ZNF639: variants seen among roughly 807,000 people sequenced by gnomAD.
ZNF639 encodes the protein zinc finger amplified in esophageal squamous cell carcinomas 1.
A neutral mutation model predicts 39.8 loss-of-function variants in ZNF639; 20 were observed. The observed-to-expected ratio is 0.50, with a 90% confidence interval of 0.35 to 0.73. The LOEUF (loss-of-function observed/expected upper bound fraction) is 0.73, where lower values mean the gene tolerates loss of function less well. Among genes scored for constraint, ZNF639 ranks in the 30% least tolerant of loss-of-function variants. The pLI is 0.00. For missense variants in ZNF639, 477 were observed against 566.2 expected (o/e 0.84, Z 1.60); for synonymous variants, 176 against 189.8 (o/e 0.93, Z 0.60).
rs1052932091 is a variant in ZNF639, at chr3:179,336,748, C to T, written c.*2326C>T. ...TTACTGTCTAGTGATGTTTCCATTA[C>T]ATCATGTTACATAAACCTAACCTTT... On this transcript the variant is annotated 3_prime_UTR_variant, in exon 6 of 6. Transcript: ENST00000496856. 1 of 152,216 alleles carries T rather than the reference C, an allele frequency of 6.6e-6. No homozygotes were observed. The highest frequency in any genetic ancestry group is 2.4e-5 in the African/African-American group (1 of 41,446). 9.4% of individuals were successfully genotyped at this position (152,216 alleles called of 1,614,324 possible).
Position 179,334,532 on chromosome 3 carries a change from A to T in ZNF639, c.*110A>T, listed in dbSNP as rs1033180854. On this transcript the variant is annotated 3_prime_UTR_variant, in exon 6 of 6. Coordinates refer to ENST00000496856, the MANE Select transcript of ZNF639 (RefSeq NM_001303426.2). ...ACAACTTATGAAATCTGCCTTTAAC[A>T]AGTAACTTTTTTAAATTATAAAATT... 22 of 794,606 alleles carry T rather than the reference A, an allele frequency of 2.8e-5. No homozygotes were observed. The highest frequency in any genetic ancestry group is 4.0e-5 in the Non-Finnish European group (22 of 556,218). 49.2% of individuals were successfully genotyped at this position (794,606 alleles called of 1,614,324 possible). A position where few individuals can be genotyped will look rare whatever the true frequency, so the allele number is the denominator to read the frequency against.
intron 3 of ZNF639, 80 bp from the exon 4 acceptor site, chr3:179,329,538 T>A (rs1727785528): frequency 1.3e-6 from 1 of 778,466 alleles, no homozygotes; most frequent in Non-Finnish European, 2.2e-6. Flanking sequence ...TAAGAACATT[T>A]GTATAAGTTA....
At chr3:179,325,183 G>C (rs938736938) in intron 1 of ZNF639, 42 of 150,830 alleles carry the variant, frequency 2.8e-4, no homozygotes, top group African/African-American at 1.0e-3. Flanking sequence ...CACCACGCCC[G>C]GCTAATTTTG....
intron 1 of ZNF639, among the ~76,000 whole-genome samples, chr3:179,323,504 C>T (rs1727400027): frequency 6.6e-6 from 1 of 152,208 alleles, no homozygotes; most frequent in African/African-American, 2.4e-5. Flanking sequence ...GGGCTCCCCT[C>T]GGCCCCCTGC....
chr3:179,329,239 G>A (rs1328062938), intron 3 of ZNF639, among the ~76,000 whole-genome samples: 1 of 152,102 alleles, frequency 6.6e-6, no homozygotes, highest in African/African-American at 2.4e-5. Context: ...GCCCTAAGTG[G>A]TCCTTACCAT....
Position 179,323,065 on chromosome 3 carries a change from A to T in ZNF639, c.-309A>T. 3.0e-6 allele frequency: 3 copies of T among 984,842 alleles called. No homozygotes were observed. Among genetic ancestry groups the T allele is most frequent in the Non-Finnish European group, 3.6e-6 (3 of 829,910 alleles). 61.0% of individuals were successfully genotyped at this position (984,842 alleles called of 1,614,324 possible). A position where few individuals can be genotyped will look rare whatever the true frequency, so the allele number is the denominator to read the frequency against. On this transcript the variant is annotated 5_prime_UTR_variant, in exon 1 of 6. Coordinates refer to ENST00000496856, the MANE Select transcript of ZNF639 (RefSeq NM_001303426.2). ...GGCGCAGGCGCGGAGCGTGGCGGCCAGGGCAGTGCGGCCGCGGAGCCTAGG... is the reference window on the plus strand; with the variant it reads ...GGCGCAGGCGCGGAGCGTGGCGGCCTGGGCAGTGCGGCCGCGGAGCCTAGG...
At chr3:179,331,418 G>A (rs1265079144) in intron 4 of ZNF639, among the ~76,000 whole-genome samples, 3 of 152,170 alleles carry the variant, frequency 2.0e-5, no homozygotes, top group Non-Finnish European at 4.4e-5. Flanking sequence ...TGGAATATAA[G>A]TCTGCACTCC....
Position 179,333,842 on chromosome 3 carries a change from A to G in ZNF639, c.878A>G (p.Gln293Arg). The change falls in exon 6 of 6, where the codon CAG (glutamine) becomes CGG (arginine). Residue 293 changes from glutamine (Q) to arginine (R), a missense_variant. Physicochemically the swap from Gln to Arg is conservative, Grantham distance 43. Transcript: ENST00000496856. ...HFSDHLYWCE[Q>R]CDVQFSSSSE... Reference sequence around the variant, plus strand: ...AGTGATCACCTCTATTGGTGTGAACAGTGTGATGTACAGTTCTCCTCAAGC... The same window carrying G: ...AGTGATCACCTCTATTGGTGTGAACGGTGTGATGTACAGTTCTCCTCAAGC... 6.2e-7 allele frequency: 1 copy of G among 1,614,190 alleles called. No individual in the cohort carries two copies. Among genetic ancestry groups the G allele is most frequent in the Non-Finnish European group, 8.5e-7 (1 of 1,180,016 alleles).
intron 4 of ZNF639, 133 bp from the exon 5 acceptor site, chr3:179,332,851 ACTTAT>A (rs1727989392): frequency 4.1e-6 from 5 of 1,234,426 alleles, no homozygotes; most frequent in Non-Finnish European, 5.4e-6. Flanking sequence ...TATATAGATA[ACTTAT>A]CTTTTTATGA....
rs191008784 is a variant in ZNF639 at position 179,338,011 on chromosome 3, C to A, written c.*3589C>A. ...TGAACTCCTGACCTTGTGATCCACC[C>A]ACTTCGGCCTCCCAAAGTGCTGGGA... On this transcript the variant is annotated 3_prime_UTR_variant, in exon 6 of 6. Transcript: ENST00000496856. The A allele has an allele frequency of 6.6e-6, 1 of 152,082 alleles. No homozygotes were observed. Among genetic ancestry groups the A allele is most frequent in the Non-Finnish European group, 1.5e-5 (1 of 68,026 alleles). The allele number at this position is 152,082 out of a possible 1,614,324, so 9.4% of individuals were successfully genotyped here.
chr3:179,323,060 C>T lies in ZNF639; in HGVS notation c.-314C>T. 5 of 984,900 alleles carry T rather than the reference C, an allele frequency of 5.1e-6. No homozygotes were observed. Among genetic ancestry groups the T allele is most frequent in the Non-Finnish European group, 6.0e-6 (5 of 829,884 alleles). The allele number at this position is 984,900 out of a possible 1,614,324, so 61.0% of individuals were successfully genotyped here. On this transcript the variant is annotated 5_prime_UTR_variant, in exon 1 of 6. Transcript: ENST00000496856. ...TGCGCGGCGCAGGCGCGGAGCGTGGCGGCCAGGGCAGTGCGGCCGCGGAGC... is the reference window on the plus strand; with the variant it reads ...TGCGCGGCGCAGGCGCGGAGCGTGGTGGCCAGGGCAGTGCGGCCGCGGAGC...
Position 179,335,331 on chromosome 3 carries a change from A to G in ZNF639, c.*909A>G, listed in dbSNP as rs955162432. 2.6e-5 allele frequency: 4 copies of G among 152,112 alleles called. No homozygotes were observed. Among genetic ancestry groups the G allele is most frequent in the East Asian group, 3.9e-4 (2 of 5,178 alleles). The allele number at this position is 152,112 out of a possible 1,614,324, so 9.4% of individuals were successfully genotyped here. A position where few individuals can be genotyped will look rare whatever the true frequency, so the allele number is the denominator to read the frequency against. ...AGTCTCAAACTCCTGGACTCAAGCA[A>G]TCCTCCCACCTTGGCCTTCCAAATC... On this transcript the variant is annotated 3_prime_UTR_variant, in exon 6 of 6. Coordinates refer to ENST00000496856, the MANE Select transcript of ZNF639 (RefSeq NM_001303426.2).
rs772083009 is a variant in ZNF639, at chr3:179,328,351, G to T, written c.58G>T (p.Asp20Tyr). 1 of 1,573,872 alleles carries T rather than the reference G, an allele frequency of 6.4e-7. No homozygotes were observed. Among genetic ancestry groups the T allele is most frequent in the African/African-American group, 1.4e-5 (1 of 73,012 alleles). Residue 20 changes from aspartate (D) to tyrosine (Y), a missense_variant and splice_region_variant, in exon 3 of 6, where the codon GAT becomes TAT. Transcript: ENST00000496856. The part of the protein sequence containing the change: ...RKTLHPSRYS[D>Y]SSGISRIADG... The stretch of plus-strand genomic sequence containing the variant: ...GACTCTACACCCTTCTCGTTATTCA[G>T]GTCAGTGTATAATTATTTTAAAGTT...
chr3:179,323,374 G>A (rs1727389552), intron 1 of ZNF639, 83 bp downstream of exon 1: 1 of 985,552 alleles, frequency 1.0e-6, no homozygotes, highest in Non-Finnish European at 1.2e-6. Flanking sequence ...TCTAACGGGA[G>A]AGGGCGGGAG....
At chr3:179,326,073 G>A (rs1727576010) in intron 1 of ZNF639, among the ~76,000 whole-genome samples, 1 of 152,160 alleles carries the variant, frequency 6.6e-6, no homozygotes, top group Non-Finnish European at 1.5e-5. Flanking sequence ...CCTCGTGCCT[G>A]TAATCCCAGC....
intron 1 of ZNF639, among the ~76,000 whole-genome samples, chr3:179,325,880 G>GA (rs1727562758): frequency 6.7e-6 from 1 of 149,660 alleles, no homozygotes; most frequent in Non-Finnish European, 1.5e-5. Context: ...GACTCTGTCC[G>GA]AAAAAAAAGT....
intron 3 of ZNF639, 54 bp from the exon 4 acceptor site, chr3:179,329,564 C>T (rs774053839): frequency 1.0e-5 from 10 of 990,648 alleles, no homozygotes; most frequent in Admixed American, 4.2e-5. Flanking sequence ...CGGGAAGTTT[C>T]TCATTAAATA....
At position 179,335,121 on chromosome 3, in the gene ZNF639, G is replaced by A. The variant is rs1012325059; in HGVS notation, c.*699G>A. On this transcript the variant is annotated 3_prime_UTR_variant, in exon 6 of 6. Coordinates refer to ENST00000496856, the MANE Select transcript of ZNF639 (RefSeq NM_001303426.2). ...ACTTAATATTTTTTTCTTAGAGATG[G>A]TCTCGTTCTGTTGTCCAGGATGGAG... is the stretch of plus-strand genomic sequence containing the variant. 22 of 152,112 alleles carry A rather than the reference G, an allele frequency of 1.4e-4. No individual in the cohort carries two copies. The highest frequency in any genetic ancestry group is 5.3e-4 in the African/African-American group (22 of 41,426). The allele number at this position is 152,112 out of a possible 1,614,324, so 9.4% of individuals were successfully genotyped here. A position where few individuals can be genotyped will look rare whatever the true frequency, so the allele number is the denominator to read the frequency against.
Position 179,329,640 on chromosome 3 carries a change from T to C in ZNF639, c.81T>C (p.Ile27=). Residue 27 remains isoleucine, a synonymous_variant, in exon 4 of 6, where the codon ATT becomes ATC. Transcript: ENST00000496856. Reference sequence around the variant, plus strand: ...CAGATTCCTCTGGAATAAGCAGAATTGCAGATGGATTCAATGGAATTTTCT... The same window carrying C: ...CAGATTCCTCTGGAATAAGCAGAATCGCAGATGGATTCAATGGAATTTTCT... The part of the protein sequence containing the change: ...RYSDSSGISR[I]ADGFNGIFSD... The C allele has an allele frequency of 6.2e-7, 1 of 1,607,148 alleles. No individual in the cohort carries two copies. The highest frequency in any genetic ancestry group is 8.5e-7 in the Non-Finnish European group (1 of 1,175,626).
Sources: allele counts gnomAD v4.1 joint callset (sites outside exome capture counted in the v4.1 genomes callset), GRCh38; gene constraint gnomAD v4.1.1; transcripts MANE v1.5; gene names NCBI Gene and HGNC (gene_info 2026-07-23, HGNC 2026-07-21).